Variants in KLHL29 observed in about 807,000 individuals in gnomAD.
KLHL29 encodes the protein kelch like family member 29.
A neutral mutation model predicts 80.4 loss-of-function variants in KLHL29; 21 were observed. The observed-to-expected ratio is 0.26, with a 90% CI of 0.19 to 0.38. KLHL29 has a LOEUF of 0.38. KLHL29 is among the 10% of genes least tolerant of loss of function. KLHL29 has a pLI of 1.00. For missense variants in KLHL29, 867 were observed against 1,223.9 expected, an observed-to-expected ratio of 0.71 and a Z score of 4.35; for synonymous variants, 511 against 526.8, an observed-to-expected ratio of 0.97 and a Z score of 0.41.
chr2:23,539,918 C>G (rs1396435537), intron 2 of KLHL29, among the ~76,000 whole-genome samples: 4 of 152,204 alleles, frequency 2.6e-5, no homozygotes, highest in Non-Finnish European at 5.9e-5. Context: ...GCTCCAACTT[C>G]TGTTAAGCAA....
intron 2 of KLHL29, among the ~76,000 whole-genome samples, chr2:23,532,200 C>T (rs1666511967): frequency 6.6e-6 from 1 of 152,172 alleles, no homozygotes; most frequent in Non-Finnish European, 1.5e-5. Context: ...AGGCTGAGGC[C>T]ATTTGACATG....
chr2:23,421,955 CTGTG>C (rs556842507), intron 1 of KLHL29, among the ~76,000 whole-genome samples: 2 of 148,576 alleles, frequency 1.3e-5, no homozygotes, highest in East Asian at 2.0e-4. Context: ...CTTTGTGTGT[CTGTG>C]TGTGTCATAT....
intron 3 of KLHL29, among the ~76,000 whole-genome samples, chr2:23,613,731 T>G (rs1392556765): frequency 8.6e-6 from 1 of 116,040 alleles, no homozygotes; most frequent in Non-Finnish European, 1.6e-5. Flanking sequence ...GCCATTGCAC[T>G]CCAGCCTGGG....
rs1306703253 is a variant in KLHL29 at position 23,639,131 on chromosome 2, T to C, written c.286-8T>C. The C allele has an allele frequency of 2.0e-6, 3 of 1,524,728 alleles. No homozygotes were observed. The African/African-American group carries it at 4.2e-5, about 21-fold the overall frequency. The allele number at this position is 1,524,728 out of a possible 1,614,324, so 94.4% of individuals were successfully genotyped here. ...GGCTATGCTCACCTCCTCATCTGCT[T>C]CCCACAGGCTCCCGGCATCTCCAAA... On this transcript the variant is annotated splice_region_variant and splice_polypyrimidine_tract_variant and intron_variant, in intron 3 of 13. Transcript: ENST00000486442.
chr2:23,415,207 A>G (rs1315353474), intron 1 of KLHL29, among the ~76,000 whole-genome samples: 4 of 152,212 alleles, frequency 2.6e-5, no homozygotes, highest in African/African-American at 9.6e-5. Context: ...TGGTGGAGCA[A>G]GGGAGGTAAG....
At chr2:23,692,796 A>G (rs1671704575) in intron 7 of KLHL29, among the ~76,000 whole-genome samples, 1 of 152,078 alleles carries the variant, frequency 6.6e-6, no homozygotes, top group Non-Finnish European at 1.5e-5. Context: ...AGCGAGCCAG[A>G]TTGAGTGGGG....
intron 1 of KLHL29, among the ~76,000 whole-genome samples, chr2:23,391,423 A>T (rs1486680700): frequency 6.6e-6 from 1 of 151,966 alleles, no homozygotes; most frequent in Non-Finnish European, 1.5e-5. Context: ...AATTGCTGCT[A>T]TTTTGATGTT....
chr2:23,495,882 G>A (rs1665247465), intron 2 of KLHL29, among the ~76,000 whole-genome samples: 1 of 152,220 alleles, frequency 6.6e-6, no homozygotes, highest in South Asian at 2.1e-4. Context: ...TGTGATTAGC[G>A]TTGCAGACTA....
At chr2:23,627,470 G>C (rs1360606623) in intron 3 of KLHL29, among the ~76,000 whole-genome samples, 1 of 152,208 alleles carries the variant, frequency 6.6e-6, no homozygotes, top group African/African-American at 2.4e-5. Context: ...GCCCAGCTCT[G>C]ACCCCCATAC....
At chr2:23,413,645 C>T (rs1394801775) in intron 1 of KLHL29, among the ~76,000 whole-genome samples, 1 of 152,184 alleles carries the variant, frequency 6.6e-6, no homozygotes, top group Non-Finnish European at 1.5e-5. Flanking sequence ...TTGAAAGAAA[C>T]CATTGACTTC....
chr2:23,613,794 A>T (rs1022402118), intron 3 of KLHL29, among the ~76,000 whole-genome samples: 1 of 145,934 alleles, frequency 6.9e-6, no homozygotes, highest in Non-Finnish European at 1.5e-5. Context: ...AAAAAAACCC[A>T]CCACTCTCAG....
At position 23,647,722 on chromosome 2, in the gene KLHL29, C is replaced by T. The variant is rs1239487629; in HGVS notation, c.940+4872C>T. On this transcript the variant is annotated intron_variant, in intron 5 of 13. Coordinates refer to ENST00000486442, the MANE Select transcript of KLHL29 (RefSeq NM_052920.2). This position sits in a 1 kb window ranked among gnomAD's most constrained non-coding sequence, Gnocchi z 4.9. ...CAGTTGCTCTGGGGACAACGGCCAGCGCTGACTCGGTGCTTGCCACCACTT... is the reference window on the plus strand; with the variant it reads ...CAGTTGCTCTGGGGACAACGGCCAGTGCTGACTCGGTGCTTGCCACCACTT... 6.6e-6 allele frequency among the ~76,000 whole-genome samples: 1 copy of T among 152,104 alleles called. No homozygotes were observed. The highest frequency in any genetic ancestry group is 1.9e-4 in the East Asian group (1 of 5,180).
chr2:23,484,344 G>A (rs1194322766), intron 2 of KLHL29, among the ~76,000 whole-genome samples: 2 of 152,194 alleles, frequency 1.3e-5, no homozygotes, highest in Admixed American at 6.5e-5. Context: ...CAGTCCTCAC[G>A]GGCCACCCTT....
At chr2:23,490,633 T>C (rs1175214296) in intron 2 of KLHL29, among the ~76,000 whole-genome samples, 1 of 152,256 alleles carries the variant, frequency 6.6e-6, no homozygotes, top group East Asian at 1.9e-4. Flanking sequence ...TGGATTTAAA[T>C]AATGGAATTG....
chr2:23,475,371 G>C (rs1664601611), intron 1 of KLHL29, among the ~76,000 whole-genome samples, 189 bp from the exon 2 acceptor site: 1 of 94,076 alleles, frequency 1.1e-5, no homozygotes, highest in South Asian at 4.2e-4. Flanking sequence ...CACAGCCTGT[G>C]TGAGATAATC....
chr2:23,406,148 A>T (rs984029653), intron 1 of KLHL29, among the ~76,000 whole-genome samples: 1 of 151,990 alleles, frequency 6.6e-6, no homozygotes, highest in African/African-American at 2.4e-5. Context: ...GACCAACATG[A>T]TGAAACCCCG....
At chr2:23,666,438 G>A (rs1056541318) in intron 5 of KLHL29, among the ~76,000 whole-genome samples, 1 of 152,112 alleles carries the variant, frequency 6.6e-6, no homozygotes, top group Non-Finnish European at 1.5e-5. Flanking sequence ...AGTGTGCGGT[G>A]ACCTGTGGGA....
chr2:23,681,607 C>T lies in KLHL29; in HGVS notation c.941-2792C>T, dbSNP rs144986995. Among the ~76,000 whole-genome samples the T allele has an allele frequency of 6.6e-6, 1 of 152,296 alleles. No homozygotes were observed. The highest frequency in any genetic ancestry group is 1.9e-4 in the East Asian group (1 of 5,186). ...ATCTGTCACTCTCTGCAGCATGACA[C>T]CCAGGGGGCTACCAAGCAGGTGTCT... On this transcript the variant is annotated intron_variant, in intron 5 of 13. Coordinates refer to ENST00000486442, the MANE Select transcript of KLHL29 (RefSeq NM_052920.2). The surrounding 1 kb of genome is among the most constrained non-coding windows in gnomAD (Gnocchi z 4.2).
intron 5 of KLHL29, chr2:23,667,656 G>C (rs1670589980): frequency 6.6e-6 from 1 of 152,658 alleles, no homozygotes; most frequent in African/African-American, 2.4e-5. Context: ...ATCCTGTGTA[G>C]ACCCGGCTGC....
Sources: allele counts gnomAD v4.1 joint callset (sites outside exome capture counted in the v4.1 genomes callset), GRCh38; gene constraint gnomAD v4.1.1; non-coding constraint Gnocchi (gnomAD v3.1); transcripts MANE v1.5; gene names NCBI Gene and HGNC (gene_info 2026-07-23, HGNC 2026-07-21).